Variants in ATG7 observed in about 807,000 individuals in gnomAD.
ATG7 encodes ubiquitin-like modifier-activating enzyme ATG7.
In ATG7, 70 loss-of-function variants were observed where a neutral mutation model predicts 82.4. The observed-to-expected ratio is 0.85, with a 90% CI of 0.70 to 1.04. ATG7 has a LOEUF of 1.04. Among genes scored for constraint, ATG7 ranks in the 50% least tolerant of loss-of-function variants. The pLI is 0.00. For synonymous variants in ATG7, 287 were observed against 313.0 expected, an observed-to-expected ratio of 0.92 and a Z score of 0.88; for missense variants, 792 against 864.3, an observed-to-expected ratio of 0.92 and a Z score of 1.05.
chr3:11,391,381 C>T (rs552356160), intron 19 of ATG7, among the ~76,000 whole-genome samples: 1 of 152,252 alleles, frequency 6.6e-6, no homozygotes, highest in South Asian at 2.1e-4. Context: ...ATTCTCATTT[C>T]CTGGAGGCTG....
intron 20 of ATG7, among the ~76,000 whole-genome samples, chr3:11,455,619 G>T (rs929177566): frequency 2.0e-5 from 3 of 152,204 alleles, no homozygotes; most frequent in Non-Finnish European, 4.4e-5. Context: ...TTCCTTGTTG[G>T]CCTGAAAACC....
At chr3:11,326,123 A>G (rs561767897) in intron 9 of ATG7, among the ~76,000 whole-genome samples, 4 of 152,352 alleles carry the variant, frequency 2.6e-5, no homozygotes, top group African/African-American at 7.2e-5. Flanking sequence ...TCTTAGGATC[A>G]GTTAGCTGCA....
At chr3:11,501,291 A>G (rs1459627991) in intron 20 of ATG7, among the ~76,000 whole-genome samples, 1 of 152,190 alleles carries the variant, frequency 6.6e-6, no homozygotes, top group Non-Finnish European at 1.5e-5. Context: ...TATCATGCTT[A>G]GGGAGTTATA....
chr3:11,487,041 C>T (rs904979115), intron 20 of ATG7, among the ~76,000 whole-genome samples: 34 of 151,332 alleles, frequency 2.2e-4, no homozygotes, highest in South Asian at 2.1e-3. Flanking sequence ...TGACTCTTAA[C>T]GAGCATGCTG....
chr3:11,431,107 A>G (rs927757738), intron 20 of ATG7, among the ~76,000 whole-genome samples: 2 of 152,218 alleles, frequency 1.3e-5, no homozygotes, highest in Non-Finnish European at 2.9e-5. Flanking sequence ...ATACCATAAA[A>G]CACACCATTT....
At chr3:11,299,107 G>A (rs147842093) in intron 4 of ATG7, 162 of 602,270 alleles carry the variant, frequency 2.7e-4, no homozygotes, top group Non-Finnish European at 3.5e-4. Context: ...TAGCATTGCT[G>A]TGGGAAGAGA....
chr3:11,446,306 A>G (rs892190687), intron 20 of ATG7, among the ~76,000 whole-genome samples: 1 of 152,026 alleles, frequency 6.6e-6, no homozygotes, highest in Non-Finnish European at 1.5e-5. Context: ...CGATAGAATA[A>G]GTCTTTAACA....
At chr3:11,418,473 C>T (rs780774156) in intron 19 of ATG7, among the ~76,000 whole-genome samples, 2 of 152,090 alleles carry the variant, frequency 1.3e-5, no homozygotes, top group East Asian at 1.9e-4. Flanking sequence ...AGATTTTTCT[C>T]GAGTATTTAC....
intron 20 of ATG7, among the ~76,000 whole-genome samples, chr3:11,472,126 G>A (rs2087611987): frequency 6.6e-6 from 1 of 152,052 alleles, no homozygotes; most frequent in Non-Finnish European, 1.5e-5. Flanking sequence ...ACAGATTTAA[G>A]CAAACATGAG....
intron 19 of ATG7, among the ~76,000 whole-genome samples, chr3:11,412,355 G>T (rs1260652001): frequency 6.6e-6 from 1 of 151,814 alleles, no homozygotes; most frequent in East Asian, 1.9e-4. Flanking sequence ...AACAGCAGAA[G>T]GGTCAATTTC....
downstream of ATG7, chr3:11,558,933 C>CG: frequency 7.4e-7 from 1 of 1,357,116 alleles, no homozygotes; most frequent in East Asian, 2.5e-5. Context: ...CTGGCTGCCA[C>CG]GGTCAGCGTG....
At chr3:11,367,222 A>G (rs934948498) in intron 18 of ATG7, among the ~76,000 whole-genome samples, 5 of 152,034 alleles carry the variant, frequency 3.3e-5, no homozygotes, top group Non-Finnish European at 5.9e-5. Context: ...TTCCACAAAA[A>G]CACTGGGCTG....
At chr3:11,474,766 C>T (rs546543273) in intron 20 of ATG7, among the ~76,000 whole-genome samples, 1 of 152,234 alleles carries the variant, frequency 6.6e-6, no homozygotes, top group African/African-American at 2.4e-5. Flanking sequence ...AAGAAAGGAG[C>T]CAGACATGTG....
At chr3:11,443,233 A>G (rs575460686) in intron 20 of ATG7, among the ~76,000 whole-genome samples, 151 of 152,224 alleles carry the variant, frequency 9.9e-4, no homozygotes, top group African/African-American at 3.3e-3. Context: ...ATGCCTGTCT[A>G]CTTCCCCATG....
chr3:11,530,722 T>C (rs1184311657), intron 20 of ATG7, among the ~76,000 whole-genome samples: 5 of 152,316 alleles, frequency 3.3e-5, no homozygotes, highest in Non-Finnish European at 5.9e-5. Flanking sequence ...AGCCTGAGCC[T>C]GTAATCCCAG....
rs573941956 is a variant in ATG7, at chr3:11,339,877, C to G, written c.890-768C>G. Among the ~76,000 whole-genome samples, 5 of 152,202 alleles carry G rather than the reference C, an allele frequency of 3.3e-5. No individual in the cohort carries two copies. The South Asian group carries it at 1.0e-3, about 32-fold the overall frequency. ...CTCCCTCATGTGCAATGTGAATGGC[C>G]AGGTTTGAGTGGTAGTGGGGGCTGG... is the stretch of plus-strand genomic sequence containing the variant. On this transcript the variant is annotated intron_variant, in intron 11 of 20. Coordinates refer to ENST00000693202, the MANE Select transcript of ATG7 (RefSeq NM_001349232.2).
At chr3:11,283,724 G>T (rs1040360752) in intron 3 of ATG7, among the ~76,000 whole-genome samples, 2 of 151,958 alleles carry the variant, frequency 1.3e-5, no homozygotes, top group Non-Finnish European at 2.9e-5. Context: ...GATCACCTGG[G>T]GTCAGGAGTT....
chr3:11,420,610 CTAATATTGCAG>C (rs1318421724), intron 19 of ATG7, among the ~76,000 whole-genome samples: 1 of 152,086 alleles, frequency 6.6e-6, no homozygotes, highest in Non-Finnish European at 1.5e-5. Context: ...CACAATGCAG[CTAATATTGCAG>C]TAAATCAAGT....
At chr3:11,441,389 A>G (rs1373399909) in intron 20 of ATG7, among the ~76,000 whole-genome samples, 1 of 151,952 alleles carries the variant, frequency 6.6e-6, no homozygotes, top group African/African-American at 2.4e-5. Flanking sequence ...TTACAGGTGC[A>G]TGCCACCACA....
Sources: gnomAD v4.1 joint callset for allele counts (sites outside exome capture counted in the v4.1 genomes callset) on GRCh38, gnomAD v4.1.1 for gene constraint, MANE v1.5 for transcripts, NCBI Gene and HGNC (gene_info 2026-07-23, HGNC 2026-07-21) for gene names.